MTMR6: variants seen among roughly 807,000 people sequenced by gnomAD.
MTMR6 encodes myotubularin related protein 6.
A neutral mutation model predicts 80.1 loss-of-function variants in MTMR6; 47 were observed. That is an observed-to-expected ratio of 0.59 (90% CI 0.46 to 0.75). MTMR6 has a LOEUF of 0.75. Among genes scored for constraint, MTMR6 ranks in the 30% least tolerant of loss-of-function variants. MTMR6 has a pLI of 0.00. For missense variants in MTMR6, 629 were observed against 730.9 expected, an observed-to-expected ratio of 0.86 and a Z score of 1.61; for synonymous variants, 254 against 253.0, an observed-to-expected ratio of 1.00 and a Z score of -0.04.
intron 6 of MTMR6, among the ~76,000 whole-genome samples, chr13:25,258,922 TC>T (rs1448586228): frequency 6.6e-6 from 1 of 152,186 alleles, no homozygotes; most frequent in East Asian, 1.9e-4. Flanking sequence ...AGGTCAAAGT[TC>T]CCATAAGTTC....
rs1454770670 is a variant in MTMR6 at position 25,259,130 on chromosome 13, T to C, written c.727-438A>G. On this transcript the variant is annotated intron_variant, in intron 6 of 13. Coordinates refer to ENST00000381801, the MANE Select transcript of MTMR6 (RefSeq NM_004685.5). ...AGGGCATTGATCATTCTGAGAGCCATAGGGACCTGAAAATCAGATCTGAAA... is the reference window on the plus strand; with the variant it reads ...AGGGCATTGATCATTCTGAGAGCCACAGGGACCTGAAAATCAGATCTGAAA... Among the ~76,000 whole-genome samples the C allele has an allele frequency of 5.3e-5, 8 of 152,188 alleles. No individual in the cohort carries two copies. The East Asian group carries it at 9.6e-4, about 18-fold the overall frequency.
rs1957088562 is a variant in MTMR6, at chr13:25,251,496, C to A, written c.1605+153G>T. ...TAAAATACAAAGAAAGTGATTCGAA[C>A]TAACGTATTCAATCAAAGTAGGGAT... On this transcript the variant is annotated intron_variant, in intron 13 of 13. Coordinates refer to ENST00000381801, the MANE Select transcript of MTMR6 (RefSeq NM_004685.5). The surrounding 1 kb of genome is among the most constrained non-coding windows in gnomAD (Gnocchi z 4.1). Among the ~76,000 whole-genome samples the A allele has an allele frequency of 6.6e-6, 1 of 152,146 alleles. No individual in the cohort carries two copies. Among genetic ancestry groups the A allele is most frequent in the African/African-American group, 2.4e-5 (1 of 41,426 alleles).
intron 9 of MTMR6, among the ~76,000 whole-genome samples, chr13:25,255,814 G>A (rs370398292): frequency 2.6e-5 from 4 of 152,214 alleles, no homozygotes; most frequent in Admixed American, 6.5e-5. Context: ...GAGCCACTGC[G>A]CCCAGCCACT....
chr13:25,278,214 G>A (rs567928994), intron 1 of MTMR6, among the ~76,000 whole-genome samples: 4 of 152,232 alleles, frequency 2.6e-5, no homozygotes, highest in African/African-American at 9.6e-5. Context: ...TCTACCTTTA[G>A]GCTCTTTTCC....
intron 9 of MTMR6, among the ~76,000 whole-genome samples, chr13:25,255,684 C>A (rs536799402): frequency 1.3e-5 from 2 of 152,060 alleles, no homozygotes; most frequent in Non-Finnish European, 2.9e-5. Flanking sequence ...TCACCATGCC[C>A]GGCTAATTTT....
Position 25,249,418 on chromosome 13 carries a change from T to C in MTMR6, c.1680A>G (p.Glu560=). 6.2e-7 allele frequency: 1 copy of C among 1,614,120 alleles called. No homozygotes were observed. Among genetic ancestry groups the C allele is most frequent in the South Asian group, 1.1e-5 (1 of 91,084 alleles). Residue 560 remains glutamate (E), a synonymous_variant, in exon 14 of 14, where the codon GAA becomes GAG. Coordinates refer to ENST00000381801, the MANE Select transcript of MTMR6 (RefSeq NM_004685.5). Reference sequence around the variant, plus strand: ...ACAGGGAAGTTTTGAGGTTAGGTGATTCAGGATGAACTGAATGTAACAATT... The same window carrying C: ...ACAGGGAAGTTTTGAGGTTAGGTGACTCAGGATGAACTGAATGTAACAATT... ...TKELLHSVHP[E]SPNLKTSLCF... is the part of the protein sequence containing the mutation.
intron 1 of MTMR6, among the ~76,000 whole-genome samples, chr13:25,286,953 G>A (rs577548028): frequency 6.6e-6 from 1 of 152,322 alleles, no homozygotes; most frequent in East Asian, 1.9e-4. Flanking sequence ...CTAGGAGGGC[G>A]GTGACCAGTT....
chr13:25,264,072 G>A (rs1957397418), intron 5 of MTMR6, among the ~76,000 whole-genome samples: 1 of 151,994 alleles, frequency 6.6e-6, no homozygotes, highest in Non-Finnish European at 1.5e-5. Context: ...TAACTAATGT[G>A]GGAAGCATGA....
chr13:25,284,882 G>C (rs1245380580), intron 1 of MTMR6, among the ~76,000 whole-genome samples: 1 of 152,120 alleles, frequency 6.6e-6, no homozygotes, highest in East Asian at 1.9e-4. Flanking sequence ...TACAGTGTCT[G>C]GCACATACTA....
chr13:25,287,455 C>T lies in MTMR6; in HGVS notation c.-208G>A. 1 of 615,430 alleles carries T rather than the reference C, an allele frequency of 1.6e-6. No individual in the cohort carries two copies. Among genetic ancestry groups the T allele is most frequent in the Non-Finnish European group, 2.9e-6 (1 of 345,488 alleles). The allele number at this position is 615,430 out of a possible 1,614,324, so 38.1% of individuals were successfully genotyped here. A position where few individuals can be genotyped will look rare whatever the true frequency, so the allele number is the denominator to read the frequency against. On this transcript the variant is annotated 5_prime_UTR_variant, in exon 1 of 14. Transcript: ENST00000381801. ...CACTTCCCCAAACCCCGCGGCCTCC[C>T]GGGGGACTCGGGGCAGGCAGACAGA...
At chr13:25,258,469 A>G in intron 7 of MTMR6, 91 bp downstream of exon 7, 1 of 1,102,166 alleles carries the variant, frequency 9.1e-7, no homozygotes, top group Middle Eastern at 2.1e-4. Context: ...TTACTTTTTA[A>G]AATGTGACCA....
At chr13:25,278,566 C>CA (rs1307629949) in intron 1 of MTMR6, among the ~76,000 whole-genome samples, 1 of 151,618 alleles carries the variant, frequency 6.6e-6, no homozygotes, top group Non-Finnish European at 1.5e-5. Flanking sequence ...ACTAAAAATA[C>CA]AAAAATTAGC....
chr13:25,265,148 T>C (rs1957429613), intron 5 of MTMR6, among the ~76,000 whole-genome samples: 1 of 152,168 alleles, frequency 6.6e-6, no homozygotes, highest in Non-Finnish European at 1.5e-5. Flanking sequence ...GAGCTTACTA[T>C]TAAAATGGGA....
rs1449031100 is a variant in MTMR6, at chr13:25,251,285, T to G, written c.1605+364A>C. Among the ~76,000 whole-genome samples the G allele has an allele frequency of 6.6e-6, 1 of 152,144 alleles. No homozygotes were observed. Among genetic ancestry groups the G allele is most frequent in the Non-Finnish European group, 1.5e-5 (1 of 68,036 alleles). ...ATCCACCCGCCTCGGCCTCCCAAAG[T>G]GCTGGGATTACAGGCGTGAGCCACT... On this transcript the variant is annotated intron_variant, in intron 13 of 13. Coordinates refer to ENST00000381801, the MANE Select transcript of MTMR6 (RefSeq NM_004685.5). This position sits in a 1 kb window ranked among gnomAD's most constrained non-coding sequence, Gnocchi z 4.1.
intron 11 of MTMR6, 74 bp downstream of exon 11, chr13:25,253,690 G>A (rs1361862948): frequency 3.9e-6 from 5 of 1,276,834 alleles, no homozygotes; most frequent in Non-Finnish European, 4.4e-6. Context: ...ATTTTATTAA[G>A]TTTCAAACAT....
At chr13:25,259,913 G>C (rs1957294996) in intron 6 of MTMR6, among the ~76,000 whole-genome samples, 1 of 151,916 alleles carries the variant, frequency 6.6e-6, no homozygotes, top group Non-Finnish European at 1.5e-5. Context: ...CCAGTCTGGA[G>C]TGCAATGGCA....
intron 5 of MTMR6, among the ~76,000 whole-genome samples, chr13:25,265,299 C>T (rs79263072): frequency 0.012 from 1,853 of 152,182 alleles, 51 homozygotes; most frequent in African/African-American, 0.043. Context: ...CTATTATTTT[C>T]AAGTCACTGC....
chr13:25,276,893 A>G (rs1957738787), intron 1 of MTMR6, among the ~76,000 whole-genome samples: 1 of 152,222 alleles, frequency 6.6e-6, no homozygotes, highest in African/African-American at 2.4e-5. Flanking sequence ...AGTATGTACT[A>G]GTACTGTCCC....
intron 1 of MTMR6, among the ~76,000 whole-genome samples, chr13:25,280,148 T>G (rs1015559737): frequency 3.3e-5 from 5 of 152,226 alleles, no homozygotes; most frequent in African/African-American, 9.7e-5. Context: ...GTTTTAAGCT[T>G]GTCACACTGG....
Sources: gnomAD v4.1 joint callset for allele counts (sites outside exome capture counted in the v4.1 genomes callset) on GRCh38, gnomAD v4.1.1 for gene constraint, Gnocchi (gnomAD v3.1) non-coding constraint, MANE v1.5 for transcripts, NCBI Gene and HGNC (gene_info 2026-07-23, HGNC 2026-07-21) for gene names.